Variants in PRRG1 observed in about 807,000 individuals in gnomAD.
PRRG1 encodes the protein transmembrane gamma-carboxyglutamic acid protein 1.
A neutral mutation model predicts 11.8 loss-of-function variants in PRRG1; 5 were observed. That is an observed-to-expected ratio of 0.42 (90% CI 0.22 to 0.89). PRRG1 has a LOEUF of 0.89. Ranked by LOEUF, PRRG1 falls within the 40% of genes least tolerant of loss-of-function variation. The pLI is 0.28. For synonymous variants in PRRG1, 66 were observed against 60.4 expected, an observed-to-expected ratio of 1.09 and a Z score of -0.43; for missense variants, 155 against 166.1, an observed-to-expected ratio of 0.93 and a Z score of 0.37.
Position 37,403,298 on chromosome X carries a change from C to T in PRRG1, c.-41-2911C>T, listed in dbSNP as rs1480608990. 8.2e-5 allele frequency among the ~76,000 whole-genome samples: 9 copies of T among 109,335 alleles called. No homozygotes were observed. In the Admixed American group the frequency reaches 8.8e-4, roughly 11 times the overall value. 94.9% of individuals were successfully genotyped at this position (109,335 alleles called of 115,157 possible). A position where few individuals can be genotyped will look rare whatever the true frequency, so the allele number is the denominator to read the frequency against. On this transcript the variant is annotated intron_variant, in intron 1 of 3. Coordinates refer to ENST00000378628, the MANE Select transcript of PRRG1 (RefSeq NM_001142395.2). ...ATATACACCATGGAATACTATGCAG[C>T]CATAAAAAAGATGAGTTCATGTCCT... is the stretch of plus-strand genomic sequence containing the variant.
chrX:37,444,550 C>T (rs1453140916), intron 3 of PRRG1, among the ~76,000 whole-genome samples: 1 of 111,900 alleles, frequency 8.9e-6, no homozygotes, highest in Non-Finnish European at 1.9e-5. Flanking sequence ...AAATCACTTA[C>T]AGCAGTGCCT....
At chrX:37,384,777 A>G (rs1931268528) in intron 1 of PRRG1, among the ~76,000 whole-genome samples, 1 of 111,991 alleles carries the variant, frequency 8.9e-6, no homozygotes, top group South Asian at 3.7e-4. Context: ...AGAGTAACAA[A>G]GATGAAAAAG....
chrX:37,398,524 A>T (rs1314920669), intron 1 of PRRG1, among the ~76,000 whole-genome samples: 2 of 111,693 alleles, frequency 1.8e-5, no homozygotes, highest in Non-Finnish European at 3.8e-5. Context: ...AACCACAAAG[A>T]TGGGGAAAAA....
intron 3 of PRRG1, 62 bp from the exon 4 acceptor site, chrX:37,453,074 A>T: frequency 1.9e-6 from 2 of 1,071,351 alleles, no homozygotes; most frequent in Non-Finnish European, 2.5e-6. Context: ...ACATTTATTC[A>T]TCTGGTATTT....
Position 37,453,165 on chromosome X carries a change from G to T in PRRG1, c.201G>T (p.Ala67=), listed in dbSNP as rs782499687. 2.5e-6 allele frequency: 3 copies of T among 1,204,130 alleles called. No individual in the cohort carries two copies. The highest frequency in any genetic ancestry group is 3.5e-5 in the African/African-American group (2 of 56,812). Residue 67 remains alanine, a synonymous_variant, in exon 4 of 4, where the codon GCG becomes GCT. Coordinates refer to ENST00000378628, the MANE Select transcript of PRRG1 (RefSeq NM_001142395.2). ...TKEFWSTYTK[A]QQGESNRGSD... The stretch of plus-strand genomic sequence containing the variant: ...AGTTTTGGAGCACCTACACAAAAGC[G>T]CAACAAGGGGAGAGTAACCGAGGAA...
At chrX:37,367,204 AT>A (rs1930600723) in intron 1 of PRRG1, among the ~76,000 whole-genome samples, 1 of 112,575 alleles carries the variant, frequency 8.9e-6, no homozygotes, top group Non-Finnish European at 1.9e-5. Flanking sequence ...TTGTAAAAAA[AT>A]ATGCAATACT....
At chrX:37,352,467 C>T (rs1556365070) in intron 1 of PRRG1, among the ~76,000 whole-genome samples, 2 of 111,803 alleles carry the variant, frequency 1.8e-5, no homozygotes, top group African/African-American at 6.5e-5. Flanking sequence ...AGTTCTACAT[C>T]ATCTGTGGAC....
intron 3 of PRRG1, among the ~76,000 whole-genome samples, chrX:37,451,336 A>G (rs1556396527): frequency 8.9e-6 from 1 of 112,588 alleles, no homozygotes; most frequent in Non-Finnish European, 1.9e-5. Flanking sequence ...CTGTTTTTAC[A>G]GGAGTGAAAT....
At chrX:37,411,129 ATAAG>A (rs1367466533) in intron 2 of PRRG1, among the ~76,000 whole-genome samples, 1 of 112,349 alleles carries the variant, frequency 8.9e-6, no homozygotes. Flanking sequence ...AAACAAAAAA[ATAAG>A]AATACAACAA....
chrX:37,430,235 G>C (rs1218382312), intron 3 of PRRG1, among the ~76,000 whole-genome samples: 1 of 102,906 alleles, frequency 9.7e-6, no homozygotes, highest in Non-Finnish European at 1.9e-5. Context: ...GTTACTTCTG[G>C]ATCTTTCAGC....
At chrX:37,428,177 C>G (rs987184612) in intron 3 of PRRG1, among the ~76,000 whole-genome samples, 13 of 110,821 alleles carry the variant, frequency 1.2e-4, no homozygotes, top group Non-Finnish European at 1.5e-4. Context: ...CAAACCATAT[C>G]ATTCTGCCCC....
intron 1 of PRRG1, among the ~76,000 whole-genome samples, chrX:37,393,691 A>G (rs782508186): frequency 8.9e-6 from 1 of 112,099 alleles, no homozygotes; most frequent in Non-Finnish European, 1.9e-5. Context: ...AAGGTCCTTT[A>G]TTTATAGTTA....
intron 3 of PRRG1, among the ~76,000 whole-genome samples, chrX:37,446,788 G>T (rs1445524658): frequency 9.0e-6 from 1 of 111,583 alleles, no homozygotes; most frequent in Non-Finnish European, 1.9e-5. Context: ...AGCAGAGAAG[G>T]TCAAAGCGGA....
chrX:37,452,054 A>C (rs782483378), intron 3 of PRRG1, among the ~76,000 whole-genome samples: 2 of 112,063 alleles, frequency 1.8e-5, no homozygotes, highest in African/African-American at 6.5e-5. Flanking sequence ...AATGGCAGAC[A>C]TTTCGAATCT....
chrX:37,393,474 G>C (rs1389147325), intron 1 of PRRG1, among the ~76,000 whole-genome samples: 1 of 111,065 alleles, frequency 9.0e-6, no homozygotes, highest in Admixed American at 9.6e-5. Context: ...AATAATTGAA[G>C]AATTAAGCAA....
chrX:37,361,084 T>C (rs1385692400), intron 1 of PRRG1, among the ~76,000 whole-genome samples: 1 of 112,449 alleles, frequency 8.9e-6, no homozygotes, highest in African/African-American at 3.2e-5. Context: ...GGCTCACGCC[T>C]GTAATCCCAG....
intron 3 of PRRG1, among the ~76,000 whole-genome samples, chrX:37,445,415 G>C (rs782546757): frequency 3.1e-4 from 35 of 111,996 alleles, no homozygotes; most frequent in Admixed American, 2.5e-3. Context: ...ATTTTAACAG[G>C]CTCCCAGGTG....
At chrX:37,384,115 G>T (rs1262286205) in intron 1 of PRRG1, among the ~76,000 whole-genome samples, 2 of 110,661 alleles carry the variant, frequency 1.8e-5, no homozygotes, top group African/African-American at 3.3e-5. Context: ...ATATATAAAT[G>T]ACCATTTTTC....
intron 3 of PRRG1, among the ~76,000 whole-genome samples, chrX:37,432,503 A>G (rs1465777277): frequency 9.1e-6 from 1 of 109,862 alleles, no homozygotes; most frequent in Non-Finnish European, 1.9e-5. Context: ...TGAAGCAAGT[A>G]GAAGAAATTC....
Sources: allele counts gnomAD v4.1 joint callset (sites outside exome capture counted in the v4.1 genomes callset), GRCh38; gene constraint gnomAD v4.1.1; transcripts MANE v1.5; gene names NCBI Gene and HGNC (gene_info 2026-07-23, HGNC 2026-07-21).